MYH15: variants seen among roughly 807,000 people sequenced by gnomAD.
MYH15 encodes myosin heavy chain 15.
In MYH15, 227 loss-of-function variants were observed where a neutral mutation model predicts 240.5. That is an observed-to-expected ratio of 0.94 (90% CI 0.85 to 1.05). The LOEUF is 1.05. Ranked by LOEUF, MYH15 falls within the 50% of genes least tolerant of loss-of-function variation. The pLI is 0.00. For synonymous variants in MYH15, 785 were observed against 796.7 expected, an observed-to-expected ratio of 0.99 and a Z score of 0.25; for missense variants, 2,217 against 2,247.5, an observed-to-expected ratio of 0.99 and a Z score of 0.27.
At chr3:108,548,420 T>C in the MYH15 span, among the ~76,000 whole-genome samples, 1 of 152,126 alleles carries the variant, frequency 6.6e-6, no homozygotes, top group South Asian at 2.1e-4. Flanking sequence ...TAACATCTAA[T>C]AGCAAAGTTT....
At chr3:108,398,998 A>C (rs889086898) in intron 34 of MYH15, 77 bp downstream of exon 34, 45 of 1,509,256 alleles carry the variant, frequency 3.0e-5, no homozygotes, top group Non-Finnish European at 3.9e-5. Context: ...TGCTGAACAC[A>C]ATCTGTTGCT....
chr3:108,405,305 A>G (rs1239112196), intron 33 of MYH15, 33 bp downstream of exon 33: 3 of 1,302,178 alleles, frequency 2.3e-6, no homozygotes, highest in South Asian at 1.7e-5. Flanking sequence ...TCAGAAATAC[A>G]TAATTGTTAC....
At chr3:108,453,872 G>A in intron 21 of MYH15, 134 bp downstream of exon 21, 1 of 834,770 alleles carries the variant, frequency 1.2e-6, no homozygotes, top group Non-Finnish European at 1.8e-6. Flanking sequence ...GTTATCTCAT[G>A]ATTTAAAAAT....
chr3:108,485,112 G>A lies in MYH15; in HGVS notation c.1093C>T (p.Leu365=), dbSNP rs1242463654. 3.7e-6 allele frequency: 6 copies of A among 1,614,054 alleles called. No homozygotes were observed. The highest frequency in any genetic ancestry group is 5.1e-6 in the Non-Finnish European group (6 of 1,179,954). Residue 365 remains leucine (L), a synonymous_variant, in exon 11 of 41, where the codon CTG becomes TTG. Transcript: ENST00000693548. ...TTACTTTCTGTGCCATCTGCTTCCA[G>A]TTGCTCTTCTCTAGGTTTCTGTTTA... ...KFKQKPREEQ[L]EADGTENADK... is the part of the protein sequence containing the mutation.
chr3:108,404,243 C>T (rs544989002), intron 33 of MYH15, among the ~76,000 whole-genome samples: 1 of 152,198 alleles, frequency 6.6e-6, no homozygotes, highest in East Asian at 1.9e-4. Context: ...AAAAAATTGA[C>T]CCCCTTGAGA....
Position 108,470,125 on chromosome 3 carries a change from C to T in MYH15, c.1471G>A (p.Glu491Lys). 1 of 1,611,612 alleles carries T rather than the reference C, an allele frequency of 6.2e-7. No individual in the cohort carries two copies. The highest frequency in any genetic ancestry group is 8.5e-7 in the Non-Finnish European group (1 of 1,179,086). ...TCAATGCTTTCTTTCTTATATTCCTCTTGCTCCAGAACAAACATGTGCCAA... is the reference window on the plus strand; with the variant it reads ...TCAATGCTTTCTTTCTTATATTCCTTTTGCTCCAGAACAAACATGTGCCAA... Reference protein sequence around the residue: ...FNWHMFVLEQEEYKKESIEWV... With the variant: ...FNWHMFVLEQKEYKKESIEWV... Residue 491 changes from glutamate to lysine, a missense_variant, in exon 14 of 41, where the codon GAG becomes AAG. Glu to Lys is a moderately conservative substitution (Grantham distance 56). Transcript: ENST00000693548.
At chr3:108,443,870 T>A (rs2082905066) in intron 22 of MYH15, among the ~76,000 whole-genome samples, 1 of 151,434 alleles carries the variant, frequency 6.6e-6, no homozygotes. Context: ...TTTATTTTTT[T>A]TTTTTTAATG....
chr3:108,492,334 A>G (rs899877640), intron 9 of MYH15, among the ~76,000 whole-genome samples, 166 bp downstream of exon 9: 1 of 152,214 alleles, frequency 6.6e-6, no homozygotes, highest in African/African-American at 2.4e-5. Context: ...ATATAAAATT[A>G]TACAACACTA....
chr3:108,381,720 T>C (rs1459506240), intron 40 of MYH15, among the ~76,000 whole-genome samples, 161 bp from the exon 41 acceptor site: 2 of 152,178 alleles, frequency 1.3e-5, no homozygotes, highest in Non-Finnish European at 2.9e-5. Context: ...ATTATCTGCA[T>C]TACAGAAAGC....
chr3:108,458,723 TAA>T (rs757084508), intron 18 of MYH15, among the ~76,000 whole-genome samples: 3 of 151,460 alleles, frequency 2.0e-5, no homozygotes, highest in Non-Finnish European at 4.4e-5. Flanking sequence ...TTAATTTTGG[TAA>T]AACCCTTGTT....
intron 27 of MYH15, among the ~76,000 whole-genome samples, chr3:108,423,080 A>C (rs1053360598): frequency 2.0e-5 from 3 of 152,174 alleles, no homozygotes; most frequent in African/African-American, 7.2e-5. Context: ...AAGGAAGAAA[A>C]GGGGGAAACA....
chr3:108,411,558 G>C (rs556078219), intron 30 of MYH15, among the ~76,000 whole-genome samples: 1 of 152,244 alleles, frequency 6.6e-6, no homozygotes, highest in South Asian at 2.1e-4. Context: ...CCCATCTGCT[G>C]TTCCTTGGGC....
At chr3:108,434,761 A>G (rs2082817332) in intron 25 of MYH15, among the ~76,000 whole-genome samples, 1 of 152,188 alleles carries the variant, frequency 6.6e-6, no homozygotes, top group African/African-American at 2.4e-5. Flanking sequence ...GTGTTCCTCT[A>G]GAGTGGACAC....
the MYH15 span, among the ~76,000 whole-genome samples, chr3:108,538,751 G>A: frequency 2.6e-5 from 4 of 152,134 alleles, no homozygotes; most frequent in Non-Finnish European, 5.9e-5. Flanking sequence ...GCTGGTTGAG[G>A]TGTCTTAGTC....
Position 108,405,530 on chromosome 3 carries a change from C to T in MYH15, c.4621-77G>A, listed in dbSNP as rs763604418. The T allele has an allele frequency of 1.4e-5, 12 of 875,582 alleles. No homozygotes were observed. In the Admixed American group the frequency reaches 1.4e-4, roughly 10 times the overall value. 54.2% of individuals were successfully genotyped at this position (875,582 alleles called of 1,614,324 possible). A position where few individuals can be genotyped will look rare whatever the true frequency, so the allele number is the denominator to read the frequency against. On this transcript the variant is annotated intron_variant, in intron 32 of 40. Transcript: ENST00000693548. ...TGTATTTTTTACCCAAAACATATGT[C>T]GCTAATGTAGCTCTCTTAGAGTTAC...
chr3:108,485,043 G>A, intron 11 of MYH15, 48 bp downstream of exon 11: 1 of 1,594,636 alleles, frequency 6.3e-7, no homozygotes, highest in Non-Finnish European at 8.6e-7. Flanking sequence ...GAGCAGGCTT[G>A]GGCCCAGAGA....
Position 108,410,867 on chromosome 3 carries a change from G to A in MYH15, c.4211C>T (p.Ala1404Val). 6.2e-7 allele frequency: 1 copy of A among 1,612,128 alleles called. No individual in the cohort carries two copies. Among genetic ancestry groups the A allele is most frequent in the Non-Finnish European group, 8.5e-7 (1 of 1,178,352 alleles). ...CTGGTGCCTGGCTCTCTCCAAGGAGGCATTTCTGGCATTGGCCACCCCCAT... is the reference window on the plus strand; with the variant it reads ...CTGGTGCCTGGCTCTCTCCAAGGAGACATTTCTGGCATTGGCCACCCCCAT... ...EAMGVANARN[A>V]SLERARHQLQ... Residue 1404 changes from alanine to valine, a missense_variant, in exon 31 of 41, where the codon GCC (alanine) becomes GTC (valine). Physicochemically the swap from Ala to Val is moderately conservative, Grantham distance 64. Coordinates refer to ENST00000693548, the MANE Select transcript of MYH15 (RefSeq NM_014981.3).
At chr3:108,422,218 AT>A (rs1367829556) in intron 27 of MYH15, among the ~76,000 whole-genome samples, 1 of 121,134 alleles carries the variant, frequency 8.3e-6, no homozygotes, top group Non-Finnish European at 1.7e-5. Flanking sequence ...TCTTTTTATT[AT>A]CTTTTTTTTT....
intron 7 of MYH15, among the ~76,000 whole-genome samples, chr3:108,493,395 C>A (rs986860383): frequency 2.0e-5 from 3 of 152,112 alleles, no homozygotes; most frequent in South Asian, 4.1e-4. Context: ...CTGGAGGAAG[C>A]CAGAATGATT....
Sources: gnomAD v4.1 joint callset for allele counts (sites outside exome capture counted in the v4.1 genomes callset) on GRCh38, gnomAD v4.1.1 for gene constraint, MANE v1.5 for transcripts, NCBI Gene and HGNC (gene_info 2026-07-23, HGNC 2026-07-21) for gene names.